Variants in NAV3 observed in about 807,000 individuals in gnomAD.
The protein encoded by NAV3 is pore membrane and/or filament interacting like protein 1.
NAV3 carries 87 observed loss-of-function variants against 244.7 expected under a neutral mutation model. The ratio of observed to expected loss-of-function variants is 0.36; its 90% CI spans 0.30 to 0.42. The LOEUF is 0.42. Among genes scored for constraint, NAV3 ranks in the 20% least tolerant of loss-of-function variants. The pLI, the probability that NAV3 is intolerant of heterozygous loss-of-function variation, is 1.00. For missense variants in NAV3, 2,663 were observed against 2,893.3 expected (o/e 0.92, Z 1.83); for synonymous variants, 1,126 against 1,042.2 (o/e 1.08, Z -1.55).
intron 2 of NAV3, among the ~76,000 whole-genome samples, chr12:77,725,475 A>G (rs1172366481): frequency 9.0e-6 from 1 of 110,802 alleles, no homozygotes; most frequent in African/African-American, 2.6e-5. Flanking sequence ...CAAGTTAGAT[A>G]GTTTCCCCAG....
intron 2 of NAV3, among the ~76,000 whole-genome samples, chr12:77,600,919 A>G (rs1296834684): frequency 1.3e-5 from 2 of 151,952 alleles, no homozygotes; most frequent in Admixed American, 6.6e-5. Context: ...CATAATCTAC[A>G]TAATAATTAG....
At position 78,007,337 on chromosome 12, in the gene NAV3, C is replaced by G. The variant is rs760550915; in HGVS notation, c.1799C>G (p.Thr600Arg). 6.2e-7 allele frequency: 1 copy of G among 1,614,188 alleles called. No homozygotes were observed. Among genetic ancestry groups the G allele is most frequent in the Non-Finnish European group, 8.5e-7 (1 of 1,180,036 alleles). ...QASPSGSCTM[T>R]VAQSSGQSTG... ...TCTCCTTCTGGTTCCTGTACCATGACAGTGGCACAAAGCAGTGGGCAGAGC... is the reference window on the plus strand; with the variant it reads ...TCTCCTTCTGGTTCCTGTACCATGAGAGTGGCACAAAGCAGTGGGCAGAGC... Residue 600 changes from threonine (T) to arginine (R), a missense_variant, in exon 8 of 40, where the codon ACA becomes AGA. Physicochemically the swap from Thr to Arg is moderately conservative, Grantham distance 71. Coordinates refer to ENST00000397909, the MANE Select transcript of NAV3 (RefSeq NM_001024383.2).
intron 2 of NAV3, among the ~76,000 whole-genome samples, chr12:77,594,035 G>A (rs1870050497): frequency 6.6e-6 from 1 of 151,922 alleles, no homozygotes. Context: ...ATTTTCGCAG[G>A]TCTACTTAAT....
At chr12:77,790,933 C>T (rs1207160624) in intron 2 of NAV3, among the ~76,000 whole-genome samples, 1 of 152,218 alleles carries the variant, frequency 6.6e-6, no homozygotes. Flanking sequence ...TTACTACTCT[C>T]TCCTCCCTAC....
chr12:77,679,850 G>T (rs1426966878), intron 2 of NAV3, among the ~76,000 whole-genome samples: 2 of 152,130 alleles, frequency 1.3e-5, no homozygotes, highest in Admixed American at 6.6e-5. Flanking sequence ...CCATAATCTT[G>T]GATGACTCAG....
In NAV3 at chr12:77,591,975, A is replaced by G. The variant is rs146739342; in HGVS notation, c.72+19709A>G. ...ATTCTGATGAAGCAAGGCATGTTAA[A>G]TAGAATTCAATGGTAGGTTGCTTCA... On this transcript the variant is annotated intron_variant, in intron 2 of 8. Coordinates refer to the NAV3 transcript ENST00000550042. Among the ~76,000 whole-genome samples, 628 of 152,368 alleles carry G rather than the reference A, an allele frequency of 4.1e-3. 4 individuals carry two copies. The highest frequency in any genetic ancestry group is 0.015 in the African/African-American group (610 of 41,584).
intron 6 of NAV3, among the ~76,000 whole-genome samples, chr12:77,996,755 A>C (rs1441383825): frequency 6.6e-6 from 1 of 152,208 alleles, no homozygotes; most frequent in Non-Finnish European, 1.5e-5. Context: ...CTAATATGAG[A>C]GACATTAATA....
chr12:77,966,344 T>C, intron 4 of NAV3, 43 bp downstream of exon 4: 1 of 1,489,382 alleles, frequency 6.7e-7, no homozygotes, highest in East Asian at 2.3e-5. Context: ...GGCATCAATG[T>C]TTTTAAATTA....
intron 9 of NAV3, among the ~76,000 whole-genome samples, chr12:78,028,647 C>A (rs1354085664): frequency 1.3e-5 from 2 of 152,108 alleles, no homozygotes; most frequent in African/African-American, 4.8e-5. Context: ...GAATTTCTTA[C>A]CAGTTTATTA....
At chr12:78,045,086 G>T (rs1371396613) in intron 9 of NAV3, among the ~76,000 whole-genome samples, 3 of 152,074 alleles carry the variant, frequency 2.0e-5, no homozygotes, top group Non-Finnish European at 4.4e-5. Flanking sequence ...TAGCCCTTAT[G>T]ATTTTGAGAT....
chr12:77,633,988 A>C (rs1311895780), intron 2 of NAV3, among the ~76,000 whole-genome samples: 1 of 152,150 alleles, frequency 6.6e-6, no homozygotes, highest in Non-Finnish European at 1.5e-5. Flanking sequence ...TATTTCTTGA[A>C]TCCTACCTTC....
intron 22 of NAV3, among the ~76,000 whole-genome samples, chr12:78,150,496 G>T (rs388456): frequency 1.4e-4 from 9 of 65,286 alleles, no homozygotes; most frequent in East Asian, 1.4e-3. Context: ...ACATTTTTTT[G>T]TTTTTGTTTT....
At chr12:78,004,422 G>T (rs774820081) in intron 7 of NAV3, among the ~76,000 whole-genome samples, 1 of 152,152 alleles carries the variant, frequency 6.6e-6, no homozygotes, top group Non-Finnish European at 1.5e-5. Flanking sequence ...TGTAAGCAGA[G>T]ATAGCCCATA....
At chr12:77,755,091 G>A (rs902889047) in intron 2 of NAV3, among the ~76,000 whole-genome samples, 1 of 152,020 alleles carries the variant, frequency 6.6e-6, no homozygotes, top group South Asian at 2.1e-4. Context: ...TAGTGATGAA[G>A]CTCAGCCTAC....
At chr12:77,621,470 CT>C (rs1293530747) in intron 2 of NAV3, among the ~76,000 whole-genome samples, 1 of 149,404 alleles carries the variant, frequency 6.7e-6, no homozygotes, top group African/African-American at 2.5e-5. Flanking sequence ...TCTTTTTTTT[CT>C]CTTCTCTTTT....
intron 1 of NAV3, among the ~76,000 whole-genome samples, chr12:77,898,491 A>C (rs1428546981): frequency 6.6e-6 from 1 of 152,208 alleles, no homozygotes; most frequent in African/African-American, 2.4e-5. Flanking sequence ...TAAGTAAATA[A>C]TTGAAAGAAT....
intron 1 of NAV3, among the ~76,000 whole-genome samples, chr12:77,859,142 C>T (rs1356315314): frequency 6.6e-6 from 1 of 152,032 alleles, no homozygotes; most frequent in East Asian, 1.9e-4. Context: ...GTCAGTTTCA[C>T]AAGTAATTGA....
chr12:77,850,666 T>A (rs1877374904), intron 1 of NAV3, among the ~76,000 whole-genome samples: 1 of 152,190 alleles, frequency 6.6e-6, no homozygotes, highest in Non-Finnish European at 1.5e-5. Context: ...CTTTTTTTCC[T>A]TTTCTATGAA....
chr12:77,692,428 C>T lies in NAV3; in HGVS notation c.72+120162C>T, dbSNP rs142205424. Among the ~76,000 whole-genome samples the T allele has an allele frequency of 3.0e-4, 46 of 152,034 alleles. 1 individual carries two copies. The highest frequency in any genetic ancestry group is 1.1e-3 in the African/African-American group (45 of 41,488). ...TAAGGAAATCATTTCCTTTCTAGCC[C>T]TCAGTTTGTCAATCTGTAAGATGGC... On this transcript the variant is annotated intron_variant, in intron 2 of 8. Coordinates refer to the NAV3 transcript ENST00000550042.
Sources: gnomAD v4.1 joint callset for allele counts (sites outside exome capture counted in the v4.1 genomes callset) on GRCh38, gnomAD v4.1.1 for gene constraint, MANE v1.5 for transcripts, NCBI Gene and HGNC (gene_info 2026-07-23, HGNC 2026-07-21) for gene names.